The following CCSER2 variants were observed in gnomAD, a reference collection of about 807,000 sequenced individuals.
The protein encoded by CCSER2 is coiled-coil serine rich protein 2.
CCSER2 carries 46 observed loss-of-function variants against 92.3 expected under a neutral mutation model. That is an observed-to-expected ratio of 0.50 (90% CI 0.39 to 0.64). CCSER2 has a LOEUF of 0.64. Ranked by LOEUF, CCSER2 falls within the 30% of genes least tolerant of loss-of-function variation. The probability of loss-of-function intolerance (pLI) is 0.00; values close to 1 mark genes in which losing one functional copy is unlikely to be tolerated. For synonymous variants in CCSER2, 433 were observed against 431.4 expected (o/e 1.00, Z -0.04); for missense variants, 1,244 against 1,238.9 (o/e 1.00, Z -0.06).
intron 3 of CCSER2, among the ~76,000 whole-genome samples, chr10:84,400,283 AT>A (rs1465225022): frequency 4.3e-4 from 65 of 152,140 alleles, no homozygotes; most frequent in Non-Finnish European, 1.0e-4. Flanking sequence ...GTATCAAAGA[AT>A]TCATTACCAG....
chr10:84,441,770 T>TTTTTTTTTTTTTTTTTTTTTTTTTG (rs1844577424), intron 6 of CCSER2, among the ~76,000 whole-genome samples: 1 of 102,942 alleles, frequency 9.7e-6, no homozygotes, highest in East Asian at 2.6e-4. Flanking sequence ...TTTTTTTTTT[T>TTTTTTTTTTTTTTTTTTTTTTTTTG]TTTTTTGAGA....
In CCSER2 at chr10:84,406,630, C is replaced by T. The variant is rs1023508890; in HGVS notation, c.1615-11141C>T. Among the ~76,000 whole-genome samples, 3 of 152,282 alleles carry T rather than the reference C, an allele frequency of 2.0e-5. No individual in the cohort carries two copies. In the East Asian group the frequency reaches 5.8e-4, roughly 29 times the overall value. On this transcript the variant is annotated intron_variant, in intron 3 of 9. Transcript: ENST00000372088. ...AAGCCTCTGGAAGCCAGAGAATATA[C>T]ATATTTGGGTTTTCATTGTCATACT...
At chr10:84,334,993 C>T (rs1843752489) in intron 1 of CCSER2, among the ~76,000 whole-genome samples, 1 of 152,164 alleles carries the variant, frequency 6.6e-6, no homozygotes, top group Non-Finnish European at 1.5e-5. Flanking sequence ...TGCTCTCCTC[C>T]CTGCCATCGC....
chr10:84,451,457 G>T lies in CCSER2; in HGVS notation c.2065-12476G>T, dbSNP rs372838440. 6.6e-5 allele frequency among the ~76,000 whole-genome samples: 10 copies of T among 152,072 alleles called. No homozygotes were observed. The South Asian group carries it at 1.0e-3, about 16-fold the overall frequency. ...CGTTGCGTCCACCTGCATATAGAAAGAGTTTATGCAAAAGTTACTGAGGAA... is the reference window on the plus strand; with the variant it reads ...CGTTGCGTCCACCTGCATATAGAAATAGTTTATGCAAAAGTTACTGAGGAA... On this transcript the variant is annotated intron_variant, in intron 6 of 9. Coordinates refer to ENST00000372088, the MANE Select transcript of CCSER2 (RefSeq NM_001284240.2).
chr10:84,499,774 T>C, intron 9 of CCSER2: 1 of 1,110,524 alleles, frequency 9.0e-7, no homozygotes, highest in Non-Finnish European at 1.3e-6. Flanking sequence ...TTAACACTAT[T>C]GCTCTGTGTT....
At position 84,517,657 on chromosome 10, in the gene CCSER2, A is replaced by G. The variant is rs1409762439; in HGVS notation, c.*3390A>G. On this transcript the variant is annotated 3_prime_UTR_variant, in exon 10 of 10. Transcript: ENST00000372088. The stretch of plus-strand genomic sequence containing the variant: ...GATATCAGTACAGCTGTTCACAGAA[A>G]TATATTCCCAGCATGTCACTTTTCC... The G allele has an allele frequency of 6.6e-6, 1 of 152,652 alleles. No individual in the cohort carries two copies. Among genetic ancestry groups the G allele is most frequent in the Non-Finnish European group, 1.5e-5 (1 of 68,050 alleles). The allele number at this position is 152,652 out of a possible 1,614,324, so 9.5% of individuals were successfully genotyped here. A position where few individuals can be genotyped will look rare whatever the true frequency, so the allele number is the denominator to read the frequency against.
chr10:84,432,130 T>C (rs1843805682), intron 5 of CCSER2, among the ~76,000 whole-genome samples: 1 of 152,234 alleles, frequency 6.6e-6, no homozygotes, highest in South Asian at 2.1e-4. Flanking sequence ...TTGTTTTAAT[T>C]TGCAGTTCCC....
intron 3 of CCSER2, chr10:84,392,067 C>G (rs1174669314): frequency 4.2e-5 from 42 of 998,974 alleles, no homozygotes. Flanking sequence ...AAGCTGCAGT[C>G]CCAAAATTAG....
intron 1 of CCSER2, among the ~76,000 whole-genome samples, chr10:84,352,936 A>C (rs1274053371): frequency 6.6e-6 from 1 of 152,022 alleles, no homozygotes; most frequent in Non-Finnish European, 1.5e-5. Context: ...GATTACAGGC[A>C]TGTGCCCCCC....
At chr10:84,452,520 A>G (rs1237565607) in intron 6 of CCSER2, among the ~76,000 whole-genome samples, 1 of 152,234 alleles carries the variant, frequency 6.6e-6, no homozygotes, top group East Asian at 1.9e-4. Flanking sequence ...TTCAGAGTTC[A>G]GAAATTCTAA....
chr10:84,440,364 G>A (rs1844452360), intron 6 of CCSER2, among the ~76,000 whole-genome samples: 1 of 152,078 alleles, frequency 6.6e-6, no homozygotes, highest in South Asian at 2.1e-4. Context: ...GCTAATAGAA[G>A]TTAAAAGATG....
Position 84,372,354 on chromosome 10 carries a change from GTC to G in CCSER2, c.1307_1308del (p.Leu436GlnfsTer6). 6.2e-7 allele frequency: 1 copy of G among 1,612,226 alleles called. No individual in the cohort carries two copies. Among genetic ancestry groups the G allele is most frequent in the Non-Finnish European group, 8.5e-7 (1 of 1,178,926 alleles). On this transcript the variant is annotated frameshift_variant, in exon 2 of 10. Transcript: ENST00000372088. LOFTEE classifies it high-confidence loss of function. ...NRTRITPEEM[S>X]LKEEKHENGP... is the part of the protein sequence containing the mutation. ...GAACTAGAATAACTCCAGAGGAAAT[GTC>G]TCTCAAAGAAGAGAAACATGAAAAT... is the stretch of plus-strand genomic sequence containing the variant.
intron 1 of CCSER2, among the ~76,000 whole-genome samples, chr10:84,330,471 G>T (rs34743922): frequency 0.058 from 8,866 of 152,268 alleles, 370 homozygotes; most frequent in Admixed American, 0.1. Flanking sequence ...TCAACTGGTA[G>T]TTAATGATTT....
chr10:84,329,474 C>T (rs867915521), intron 1 of CCSER2, among the ~76,000 whole-genome samples: 12 of 152,156 alleles, frequency 7.9e-5, no homozygotes, highest in African/African-American at 2.9e-4. Context: ...CCAGACAAGG[C>T]CTTAGCGGAG....
At chr10:84,361,169 G>A (rs1412124690) in intron 1 of CCSER2, among the ~76,000 whole-genome samples, 1 of 152,186 alleles carries the variant, frequency 6.6e-6, no homozygotes, top group East Asian at 1.9e-4. Flanking sequence ...CTAGGTTGAG[G>A]CCCATGAGGA....
intron 6 of CCSER2, among the ~76,000 whole-genome samples, chr10:84,449,652 C>T (rs1487726284): frequency 6.6e-6 from 1 of 152,062 alleles, no homozygotes; most frequent in South Asian, 2.1e-4. Flanking sequence ...GTTGGGAGTT[C>T]GAGACCAGCC....
chr10:84,420,475 T>G (rs1477658635), intron 4 of CCSER2, among the ~76,000 whole-genome samples: 3 of 152,192 alleles, frequency 2.0e-5, no homozygotes, highest in South Asian at 4.1e-4. Context: ...TTATGGCTCT[T>G]AAGTCCCGAA....
intron 3 of CCSER2, 65 bp downstream of exon 3, chr10:84,373,880 T>C (rs1846195708): frequency 1.3e-6 from 2 of 1,588,762 alleles, no homozygotes; most frequent in Middle Eastern, 1.7e-4. Context: ...ACTTGTGATA[T>C]GATTGATTTT....
At chr10:84,376,434 T>C (rs561324085) in intron 3 of CCSER2, among the ~76,000 whole-genome samples, 69 of 152,288 alleles carry the variant, frequency 4.5e-4, no homozygotes, top group South Asian at 1.7e-3. Context: ...TCGGTCACTA[T>C]AAATTAGCTT....
Sources: gnomAD v4.1 joint callset for allele counts (sites outside exome capture counted in the v4.1 genomes callset) on GRCh38, gnomAD v4.1.1 for gene constraint, MANE v1.5 for transcripts, NCBI Gene and HGNC (gene_info 2026-07-23, HGNC 2026-07-21) for gene names.